FNDC3B: variants seen among roughly 807,000 people sequenced by gnomAD.
FNDC3B encodes fibronectin type III domain-containing protein 3B.
FNDC3B carries 12 observed loss-of-function variants against 151.5 expected under a neutral mutation model. The observed-to-expected ratio is 0.08, with a 90% CI of 0.05 to 0.13. The LOEUF is 0.13. Ranked by LOEUF, FNDC3B falls within the 10% of genes least tolerant of loss-of-function variation. FNDC3B has a pLI of 1.00. For missense variants in FNDC3B, 1,214 were observed against 1,505.3 expected, an observed-to-expected ratio of 0.81 and a Z score of 3.20; for synonymous variants, 528 against 549.0, an observed-to-expected ratio of 0.96 and a Z score of 0.54.
Position 172,365,602 on chromosome 3 carries a change from T to C in FNDC3B, c.3008+2757T>C, listed in dbSNP as rs183161081. On this transcript the variant is annotated intron_variant, in intron 23 of 25. Transcript: ENST00000415807. ...TGGACTTTTATGTTGAAAGGATTTTTCCCCCAGAATAGGACATTTGTTTCC... is the reference window on the plus strand; with the variant it reads ...TGGACTTTTATGTTGAAAGGATTTTCCCCCCAGAATAGGACATTTGTTTCC... 1.8e-3 allele frequency among the ~76,000 whole-genome samples: 275 copies of C among 152,306 alleles called. 1 individual carries two copies. Among genetic ancestry groups the C allele is most frequent in the African/African-American group, 6.3e-3 (263 of 41,564 alleles).
chr3:172,060,856 T>C (rs1717160315), intron 1 of FNDC3B, among the ~76,000 whole-genome samples: 1 of 152,228 alleles, frequency 6.6e-6, no homozygotes, highest in African/African-American at 2.4e-5. Flanking sequence ...CATGTTCTAA[T>C]TATAATTCTT....
intron 23 of FNDC3B, among the ~76,000 whole-genome samples, chr3:172,368,267 C>A (rs631239): frequency 0.52 from 63,338 of 121,694 alleles, 15,644 homozygotes; most frequent in Non-Finnish European, 0.62. Flanking sequence ...GAGACCCAGA[C>A]TCTTAAAAAA....
At chr3:172,195,702 T>C (rs973544229) in intron 3 of FNDC3B, among the ~76,000 whole-genome samples, 1 of 152,220 alleles carries the variant, frequency 6.6e-6, no homozygotes, top group African/African-American at 2.4e-5. Context: ...TTTGACACCA[T>C]TCTCATTTGT....
At chr3:172,350,027 G>T (rs1733788271) in intron 21 of FNDC3B, among the ~76,000 whole-genome samples, 1 of 152,138 alleles carries the variant, frequency 6.6e-6, no homozygotes, top group South Asian at 2.1e-4. Flanking sequence ...GAAAAGCAGA[G>T]TAGGAGATAG....
intron 1 of FNDC3B, among the ~76,000 whole-genome samples, chr3:172,060,204 T>G (rs534776752): frequency 2.0e-5 from 3 of 152,324 alleles, no homozygotes; most frequent in Non-Finnish European, 4.4e-5. Flanking sequence ...GACTCAGTTT[T>G]GTAGTGAACT....
intron 2 of FNDC3B, among the ~76,000 whole-genome samples, chr3:172,124,301 G>T (rs1456710270): frequency 1.3e-5 from 2 of 152,232 alleles, no homozygotes; most frequent in East Asian, 3.8e-4. Flanking sequence ...ACATTGGCCA[G>T]TCTGGTCTCG....
In FNDC3B at chr3:172,381,674, T is replaced by TA. The variant is rs1461202005; in HGVS notation, c.3303+582dup. Among the ~76,000 whole-genome samples, 8 of 143,292 alleles carry TA rather than the reference T, an allele frequency of 5.6e-5. No homozygotes were observed. The Admixed American group carries it at 5.6e-4, about 10-fold the overall frequency. The allele number at this position is 143,292 out of a possible 152,430, so 94.0% of individuals were successfully genotyped here. ...TGTGATGTTCCCCTCCCTGTGCCCA[T>TA]ATGTTCTCATTGTTCAACTCCCACT... On this transcript the variant is annotated intron_variant, in intron 25 of 25. Coordinates refer to ENST00000415807, the MANE Select transcript of FNDC3B (RefSeq NM_022763.4).
At chr3:172,146,157 A>G (rs1249676349) in intron 3 of FNDC3B, among the ~76,000 whole-genome samples, 1 of 152,192 alleles carries the variant, frequency 6.6e-6, no homozygotes, top group African/African-American at 2.4e-5. Flanking sequence ...AAAAAAAAGC[A>G]TGGCACTATC....
Position 172,295,504 on chromosome 3 carries a change from A to C in FNDC3B, c.991A>C (p.Ile331Leu). ...SDKGRDGKYK[I>L]IYSGEELECN... ...CAAAGGACGAGATGGAAAATACAAGATAATTTACAGGTTGTGTATGTTTCT... is the reference window on the plus strand; with the variant it reads ...CAAAGGACGAGATGGAAAATACAAGCTAATTTACAGGTTGTGTATGTTTCT... Residue 331 changes from isoleucine (I) to leucine (L), a missense_variant, in exon 8 of 26, where the codon ATA (isoleucine) becomes CTA (leucine). Ile to Leu is a conservative substitution (Grantham distance 5). This residue lies in a region of FNDC3B where 156 missense variants were observed against 225.3 expected (regional missense o/e 0.69). Coordinates refer to ENST00000415807, the MANE Select transcript of FNDC3B (RefSeq NM_022763.4). The C allele has an allele frequency of 6.2e-7, 1 of 1,613,566 alleles. No individual in the cohort carries two copies. The highest frequency in any genetic ancestry group is 8.5e-7 in the Non-Finnish European group (1 of 1,179,714).
At chr3:172,300,805 A>AT (rs929314114) in intron 9 of FNDC3B, among the ~76,000 whole-genome samples, 4 of 152,248 alleles carry the variant, frequency 2.6e-5, no homozygotes, top group African/African-American at 4.8e-5. Context: ...CAATTTTAGT[A>AT]TTTTTTTAAC....
chr3:172,279,149 G>C (rs12639337), intron 6 of FNDC3B, among the ~76,000 whole-genome samples: 80,124 of 148,470 alleles, frequency 0.54, 24,701 homozygotes, highest in African/African-American at 0.87. Context: ...CCTGAAGGAG[G>C]CCATTTGCCT....
intron 1 of FNDC3B, among the ~76,000 whole-genome samples, chr3:172,073,143 T>A (rs1717859382): frequency 6.6e-6 from 1 of 152,178 alleles, no homozygotes; most frequent in African/African-American, 2.4e-5. Context: ...GGGATTGAAC[T>A]GTTATTGTTA....
At chr3:172,186,818 C>A in intron 3 of FNDC3B, 1 of 687,192 alleles carries the variant, frequency 1.5e-6, no homozygotes, top group South Asian at 1.6e-5. Context: ...GATATTTCTT[C>A]ATTACGAGCA....
intron 25 of FNDC3B, among the ~76,000 whole-genome samples, chr3:172,381,974 G>C (rs573902997): frequency 6.6e-6 from 1 of 152,134 alleles, no homozygotes; most frequent in Non-Finnish European, 1.5e-5. Context: ...ATAATCCTTT[G>C]GGTATATACC....
Position 172,397,800 on chromosome 3 carries a change from A to ATT in FNDC3B, c.*337_*338dup. Reference sequence around the variant, plus strand: ...CACTGATGTCTTTTGCAAGCCTTTGATTTTTTTTTTTTTGTTACAGTTTAG... The same window carrying ATT: ...CACTGATGTCTTTTGCAAGCCTTTGATTTTTTTTTTTTTTTGTTACAGTTTAG... On this transcript the variant is annotated 3_prime_UTR_variant, in exon 26 of 26. Transcript: ENST00000415807. 6.5e-6 allele frequency: 1 copy of ATT among 152,916 alleles called. No homozygotes were observed. The highest frequency in any genetic ancestry group is 1.9e-4 in the South Asian group (1 of 5,202). 9.5% of individuals were successfully genotyped at this position (152,916 alleles called of 1,614,324 possible).
intron 3 of FNDC3B, among the ~76,000 whole-genome samples, chr3:172,147,195 A>G (rs528758927): frequency 6.6e-6 from 1 of 151,998 alleles, no homozygotes; most frequent in East Asian, 1.9e-4. Context: ...AATCCCAGCT[A>G]CTCGGGAGGC....
rs548270354 is a variant in FNDC3B at position 172,295,802 on chromosome 3, C to T, written c.1001+288C>T. Among the ~76,000 whole-genome samples, 266 of 152,180 alleles carry T rather than the reference C, an allele frequency of 1.7e-3. 1 individual carries two copies. The highest frequency in any genetic ancestry group is 3.2e-3 in the Non-Finnish European group (217 of 67,988). On this transcript the variant is annotated intron_variant, in intron 8 of 25. Coordinates refer to ENST00000415807, the MANE Select transcript of FNDC3B (RefSeq NM_022763.4). ...TCTGTTAATGTCTGTCGGCAAAAGG[C>T]GATTATGACTTTTAGTTTTTGCATA...
rs148001925 is a variant in FNDC3B at position 172,226,916 on chromosome 3, C to T, written c.233C>T (p.Pro78Leu). 2 of 1,612,842 alleles carry T rather than the reference C, an allele frequency of 1.2e-6. No individual in the cohort carries two copies. Among genetic ancestry groups the T allele is most frequent in the Non-Finnish European group, 1.7e-6 (2 of 1,178,796 alleles). The change falls in exon 4 of 26, where the codon CCC becomes CTC. Residue 78 changes from proline (P) to leucine (L), a missense_variant. This residue lies in a region of FNDC3B where 113 missense variants were observed against 177.8 expected (regional missense o/e 0.64). Transcript: ENST00000415807. ...PMMSPNGSIP[P>L]IHVPPGYISQ... ...ATGTCACCCAATGGATCCATTCCTC[C>T]CATTCATGTGCCTCCAGGTTATATC...
chr3:172,376,334 A>G (rs921891582), intron 23 of FNDC3B, among the ~76,000 whole-genome samples: 8 of 152,166 alleles, frequency 5.3e-5, no homozygotes, highest in Non-Finnish European at 1.2e-4. Context: ...TCTGGGTCCA[A>G]ATATATATTG....
Sources: gnomAD v4.1 joint callset for allele counts (sites outside exome capture counted in the v4.1 genomes callset) on GRCh38, gnomAD v4.1.1 for gene constraint, gnomAD v4.1.1 regional missense constraint, MANE v1.5 for transcripts, NCBI Gene and HGNC (gene_info 2026-07-23, HGNC 2026-07-21) for gene names.